Variants in ARHGAP15 observed in about 807,000 individuals in gnomAD.
ARHGAP15 encodes Rho GTPase activating protein 15.
In ARHGAP15, 51 loss-of-function variants were observed where a neutral mutation model predicts 63.7. The ratio of observed to expected loss-of-function variants is 0.80; its 90% CI spans 0.64 to 1.01. ARHGAP15 has a LOEUF of 1.01. Among genes scored for constraint, ARHGAP15 ranks in the 50% least tolerant of loss-of-function variants. The probability of loss-of-function intolerance (pLI) is 0.00; values close to 1 mark genes in which losing one functional copy is unlikely to be tolerated. For synonymous variants in ARHGAP15, 191 were observed against 193.8 expected, an observed-to-expected ratio of 0.99 and a Z score of 0.12; for missense variants, 560 against 564.6, an observed-to-expected ratio of 0.99 and a Z score of 0.08.
At chr2:143,184,084 G>T (rs1261811656) in intron 2 of ARHGAP15, among the ~76,000 whole-genome samples, 2 of 152,194 alleles carry the variant, frequency 1.3e-5, no homozygotes, top group Non-Finnish European at 2.9e-5. Flanking sequence ...GATGCAGCTT[G>T]TTGCTCTGCT....
chr2:143,152,378 T>C (rs1346301543), intron 1 of ARHGAP15, among the ~76,000 whole-genome samples: 1 of 152,010 alleles, frequency 6.6e-6, no homozygotes, highest in Non-Finnish European at 1.5e-5. Flanking sequence ...AGCTCTGATG[T>C]AATCTGATCT....
chr2:143,320,016 G>T (rs1445484881), intron 6 of ARHGAP15, among the ~76,000 whole-genome samples: 1 of 152,074 alleles, frequency 6.6e-6, no homozygotes, highest in East Asian at 1.9e-4. Flanking sequence ...TTTCAGAAAG[G>T]TATTGTAATA....
chr2:143,152,559 G>A (rs1689868150), intron 1 of ARHGAP15, among the ~76,000 whole-genome samples: 1 of 151,928 alleles, frequency 6.6e-6, no homozygotes, highest in Non-Finnish European at 1.5e-5. Context: ...TCTCTAAAAT[G>A]GTGCCTGCCA....
intron 9 of ARHGAP15, among the ~76,000 whole-genome samples, chr2:143,497,438 T>C (rs1421064814): frequency 6.6e-6 from 1 of 152,158 alleles, no homozygotes; most frequent in African/African-American, 2.4e-5. Flanking sequence ...TTGTCAGTGT[T>C]CAAAAGAATC....
intron 12 of ARHGAP15, among the ~76,000 whole-genome samples, chr2:143,630,990 G>A (rs922739639): frequency 3.3e-5 from 5 of 151,780 alleles, no homozygotes; most frequent in African/African-American, 9.7e-5. Flanking sequence ...CTTTCCACCT[G>A]CTCTGCACTC....
chr2:143,345,062 T>G (rs1574308380), intron 6 of ARHGAP15, among the ~76,000 whole-genome samples: 1 of 152,112 alleles, frequency 6.6e-6, no homozygotes, highest in Non-Finnish European at 1.5e-5. Flanking sequence ...GTTCAGAGGT[T>G]AGGGTTGATC....
At chr2:143,389,680 T>G (rs1205744092) in intron 6 of ARHGAP15, among the ~76,000 whole-genome samples, 1 of 152,170 alleles carries the variant, frequency 6.6e-6, no homozygotes, top group Non-Finnish European at 1.5e-5. Flanking sequence ...TCCCCAAATA[T>G]TCATCTGTGC....
intron 6 of ARHGAP15, among the ~76,000 whole-genome samples, chr2:143,406,588 T>A (rs1400321788): frequency 6.6e-6 from 1 of 152,010 alleles, no homozygotes; most frequent in Non-Finnish European, 1.5e-5. Flanking sequence ...TTTGTCAATA[T>A]ATGTTCAAAT....
Position 143,625,598 on chromosome 2 carries a change from G to A in ARHGAP15, c.1138+1331G>A, listed in dbSNP as rs143881525. 3.1e-3 allele frequency among the ~76,000 whole-genome samples: 478 copies of A among 152,198 alleles called. 2 individuals are homozygous for A. The highest frequency in any genetic ancestry group is 5.4e-3 in the Non-Finnish European group (368 of 67,994). ...ATGACCCCTCTACTTCTTCAGAACA[G>A]CAATGTTTCATAGTTCAGCATGCTT... On this transcript the variant is annotated intron_variant, in intron 12 of 13. Transcript: ENST00000295095.
At chr2:143,265,466 T>C (rs1167495412) in intron 6 of ARHGAP15, among the ~76,000 whole-genome samples, 1 of 152,090 alleles carries the variant, frequency 6.6e-6, no homozygotes, top group African/African-American at 2.4e-5. Context: ...CCTGAGAAAA[T>C]TGTATTTGAC....
At chr2:143,371,354 A>G (rs1686541610) in intron 6 of ARHGAP15, among the ~76,000 whole-genome samples, 1 of 152,166 alleles carries the variant, frequency 6.6e-6, no homozygotes, top group African/African-American at 2.4e-5. Flanking sequence ...CTTCTCTAAC[A>G]ATGAAGAAAG....
rs557738853 is a variant in ARHGAP15, at chr2:143,268,857, A to G, written c.474+18257A>G. ...TTGGCACTTCTAAGATTCAATTAGGATAAACTCTTATAACTTTGATTAAAA... is the reference window on the plus strand; with the variant it reads ...TTGGCACTTCTAAGATTCAATTAGGGTAAACTCTTATAACTTTGATTAAAA... On this transcript the variant is annotated intron_variant, in intron 6 of 13. Transcript: ENST00000295095. Among the ~76,000 whole-genome samples, 15 of 150,504 alleles carry G rather than the reference A, an allele frequency of 1.0e-4. No individual in the cohort carries two copies. In the East Asian group the frequency reaches 1.2e-3, roughly 12 times the overall value.
chr2:143,555,999 C>A (rs1695780064), intron 10 of ARHGAP15, among the ~76,000 whole-genome samples: 1 of 151,866 alleles, frequency 6.6e-6, no homozygotes, highest in Admixed American at 6.6e-5. Flanking sequence ...GACAGAAAGG[C>A]AGGAAGACAG....
intron 5 of ARHGAP15, among the ~76,000 whole-genome samples, chr2:143,232,586 C>T (rs1429561695): frequency 1.3e-5 from 2 of 152,068 alleles, no homozygotes; most frequent in Non-Finnish European, 2.9e-5. Context: ...TAATAGGTAT[C>T]AATCAATCAC....
intron 13 of ARHGAP15, 27 bp from the exon 14 acceptor site, chr2:143,767,962 A>AT: frequency 1.3e-6 from 2 of 1,598,440 alleles, no homozygotes; most frequent in African/African-American, 1.4e-5. Flanking sequence ...CTCCAGTGAA[A>AT]TTATTTTTTT....
intron 9 of ARHGAP15, among the ~76,000 whole-genome samples, chr2:143,495,799 T>C (rs1350442865): frequency 1.3e-5 from 2 of 152,132 alleles, no homozygotes; most frequent in African/African-American, 2.4e-5. Flanking sequence ...AAGCAAAATA[T>C]ATATGATCAA....
chr2:143,431,475 G>A (rs1192972072), intron 6 of ARHGAP15, among the ~76,000 whole-genome samples: 1 of 151,884 alleles, frequency 6.6e-6, no homozygotes, highest in Non-Finnish European at 1.5e-5. Flanking sequence ...ACCAAGTGGT[G>A]GTATTCATAT....
chr2:143,195,265 T>C (rs1338256837), intron 2 of ARHGAP15, among the ~76,000 whole-genome samples: 1 of 151,942 alleles, frequency 6.6e-6, no homozygotes, highest in Non-Finnish European at 1.5e-5. Context: ...ACTATGGCAA[T>C]TGAATGATAT....
chr2:143,254,428 A>C (rs1680316245), intron 6 of ARHGAP15, among the ~76,000 whole-genome samples: 1 of 152,020 alleles, frequency 6.6e-6, no homozygotes, highest in African/African-American at 2.4e-5. Context: ...AAAAAAAAAA[A>C]ACTCTTATAT....
Sources: allele counts gnomAD v4.1 joint callset (sites outside exome capture counted in the v4.1 genomes callset), GRCh38; gene constraint gnomAD v4.1.1; transcripts MANE v1.5; gene names NCBI Gene and HGNC (gene_info 2026-07-23, HGNC 2026-07-21).